The following ASIP variants were observed in gnomAD, a reference collection of about 807,000 sequenced individuals.
The protein encoded by ASIP is agouti signaling protein, also known as agouti-signaling protein.
Under a neutral mutation model 10.3 loss-of-function variants are expected in ASIP, and 11 were observed. The ratio of observed to expected loss-of-function variants is 1.07; its 90% CI spans 0.68 to 1.78. The LOEUF is 1.78. Among genes scored for constraint, ASIP ranks in the 40% most tolerant of loss-of-function variants. The pLI is 0.00. For missense variants in ASIP, 180 were observed against 169.2 expected (o/e 1.06, Z -0.35); for synonymous variants, 70 against 70.8 (o/e 0.99, Z 0.06).
intron 3 of ASIP, among the ~76,000 whole-genome samples, chr20:34,264,343 G>A (rs2035748900): frequency 6.6e-6 from 1 of 152,178 alleles, no homozygotes. Context: ...GCGAGTACGT[G>A]CTTACAACGC....
rs555223861 is a variant in ASIP at position 34,205,462 on chromosome 20, C to T, written c.-11+10702C>T. The stretch of plus-strand genomic sequence containing the variant: ...TCAGGAGTGAAGCTGCAGACCTTCT[C>T]GGTGAGTGTTACAGCTTATAAAGGT... On this transcript the variant is annotated intron_variant, in intron 1 of 3. Coordinates refer to the ASIP transcript ENST00000568305. Among the ~76,000 whole-genome samples, 7 of 151,494 alleles carry T rather than the reference C, an allele frequency of 4.6e-5. No individual in the cohort carries two copies. In the South Asian group the frequency reaches 1.5e-3, roughly 32 times the overall value.
intron 1 of ASIP, among the ~76,000 whole-genome samples, chr20:34,247,538 C>A (rs538730058): frequency 1.2e-3 from 180 of 152,032 alleles, no homozygotes; most frequent in African/African-American, 4.2e-3. Flanking sequence ...ACCTCGTGAT[C>A]CACCCACCTC....
At chr20:34,248,247 G>C (rs1283695429) in intron 1 of ASIP, among the ~76,000 whole-genome samples, 3 of 151,728 alleles carry the variant, frequency 2.0e-5, no homozygotes, top group Non-Finnish European at 4.4e-5. Context: ...AGAATTCAAA[G>C]ATATTTTAAG....
chr20:34,204,125 T>A (rs1378022565), intron 1 of ASIP, among the ~76,000 whole-genome samples: 3 of 152,354 alleles, frequency 2.0e-5, no homozygotes, highest in East Asian at 3.8e-4. Flanking sequence ...CAACCCTGCT[T>A]AATTAACTTA....
chr20:34,218,686 AT>A (rs796481214), intron 1 of ASIP, among the ~76,000 whole-genome samples: 105 of 145,258 alleles, frequency 7.2e-4, no homozygotes, highest in Non-Finnish European at 7.3e-4. Flanking sequence ...CTTTTCAGCA[AT>A]TTTTTTTTTT....
intron 1 of ASIP, among the ~76,000 whole-genome samples, chr20:34,244,667 G>A (rs1388515115): frequency 6.6e-6 from 1 of 152,134 alleles, no homozygotes; most frequent in East Asian, 1.9e-4. Flanking sequence ...TTTTACGCAA[G>A]GCTGGTTATT....
Position 34,235,944 on chromosome 20 carries a change from AGAAG to A in ASIP, c.-10-24402_-10-24399del, listed in dbSNP as rs748775845. Reference sequence around the variant, plus strand: ...GAAGGAAGGAAGCGGGAGGGAGGGAAGAAGGAAGGAAGGAAGGAAGGAGGGAGGG... The same window carrying A: ...GAAGGAAGGAAGCGGGAGGGAGGGAAGAAGGAAGGAAGGAAGGAGGGAGGG... On this transcript the variant is annotated intron_variant, in intron 1 of 3. Coordinates refer to the ASIP transcript ENST00000568305. Among the ~76,000 whole-genome samples the A allele has an allele frequency of 1.5e-3, 173 of 119,238 alleles. 4 individuals carry two copies. The highest frequency in any genetic ancestry group is 3.9e-3 in the Middle Eastern group (1 of 256). The allele number at this position is 119,238 out of a possible 152,430, so 78.2% of individuals were successfully genotyped here.
upstream of ASIP, among the ~76,000 whole-genome samples, chr20:34,237,845 GT>G (rs1221386409): frequency 5.3e-5 from 8 of 151,136 alleles, no homozygotes; most frequent in Middle Eastern, 3.4e-3. Flanking sequence ...TTTGTGGAGT[GT>G]TTTTTTTTAT....
intron 1 of ASIP, among the ~76,000 whole-genome samples, chr20:34,220,135 A>G (rs1028962582): frequency 6.6e-6 from 1 of 150,898 alleles, no homozygotes. Context: ...CAGTCTAGTT[A>G]CTTCAGAGAT....
intron 1 of ASIP, chr20:34,214,403 T>C: frequency 7.1e-7 from 1 of 1,409,400 alleles, no homozygotes; most frequent in Non-Finnish European, 1.0e-6. Flanking sequence ...TGACTCCTGA[T>C]GTTACCAGAG....
At chr20:34,212,436 T>C (rs1288013730) in intron 1 of ASIP, among the ~76,000 whole-genome samples, 1 of 152,214 alleles carries the variant, frequency 6.6e-6, no homozygotes, top group African/African-American at 2.4e-5. Context: ...GACCCTTTTC[T>C]ACTAAATATT....
chr20:34,235,619 A>T (rs1007005914), intron 1 of ASIP, among the ~76,000 whole-genome samples: 7 of 151,750 alleles, frequency 4.6e-5, no homozygotes, highest in African/African-American at 1.7e-4. Context: ...TTTGTTTGTG[A>T]TGTTGAAAGA....
At chr20:34,254,211 C>A (rs780164568) in intron 1 of ASIP, among the ~76,000 whole-genome samples, 1 of 152,130 alleles carries the variant, frequency 6.6e-6, no homozygotes, top group Non-Finnish European at 1.5e-5. Context: ...TACAGGCATG[C>A]GCCACCACAC....
intron 1 of ASIP, among the ~76,000 whole-genome samples, chr20:34,243,892 G>A (rs1204584704): frequency 1.3e-5 from 2 of 151,902 alleles, no homozygotes; most frequent in Non-Finnish European, 2.9e-5. Context: ...ATGAAACCCC[G>A]TCTCTACTAA....
upstream of ASIP, among the ~76,000 whole-genome samples, chr20:34,237,651 T>A (rs2035228114): frequency 6.6e-6 from 1 of 152,212 alleles, no homozygotes; most frequent in Admixed American, 6.5e-5. Context: ...TTTCTTTTCC[T>A]TGCCTAATTG....
At chr20:34,186,877 G>A in the ASIP span, among the ~76,000 whole-genome samples, 47 of 152,100 alleles carry the variant, frequency 3.1e-4, no homozygotes, top group African/African-American at 1.0e-3. Context: ...GCAGTGGTGC[G>A]ATCTTGGCTC....
At chr20:34,218,173 T>A (rs2035022170) in intron 1 of ASIP, among the ~76,000 whole-genome samples, 2 of 152,246 alleles carry the variant, frequency 1.3e-5, no homozygotes, top group Non-Finnish European at 2.9e-5. Flanking sequence ...TTCATTAAGA[T>A]TAACTTTGTT....
At chr20:34,221,259 T>G (rs538937089) in intron 1 of ASIP, among the ~76,000 whole-genome samples, 2 of 152,152 alleles carry the variant, frequency 1.3e-5, no homozygotes, top group South Asian at 2.1e-4. Flanking sequence ...GTGCCTGTAG[T>G]CCCAGCTACT....
intron 1 of ASIP, among the ~76,000 whole-genome samples, chr20:34,251,888 C>T (rs933666747): frequency 6.6e-6 from 1 of 152,162 alleles, no homozygotes; most frequent in African/African-American, 2.4e-5. Flanking sequence ...CTGCCTGCAC[C>T]TTGATCTTGG....
Sources: gnomAD v4.1 joint callset for allele counts (sites outside exome capture counted in the v4.1 genomes callset) on GRCh38, gnomAD v4.1.1 for gene constraint, MANE v1.5 for transcripts, NCBI Gene and HGNC (gene_info 2026-07-23, HGNC 2026-07-21) for gene names.